Variants in PCBP3 observed in about 807,000 individuals in gnomAD.
PCBP3 encodes poly(rC)-binding protein 3.
PCBP3 carries 25 observed loss-of-function variants against 52.7 expected under a neutral mutation model. The ratio of observed to expected loss-of-function variants is 0.47; its 90% confidence interval spans 0.35 to 0.66. The LOEUF is 0.66. PCBP3 is among the 30% of genes least tolerant of loss of function. The probability of loss-of-function intolerance (pLI) is 0.01; values close to 1 mark genes in which losing one functional copy is unlikely to be tolerated. For synonymous variants in PCBP3, 162 were observed against 183.0 expected (o/e 0.89, Z 0.93); for missense variants, 391 against 490.3 (o/e 0.80, Z 1.91).
At chr21:45,897,246 C>T (rs1187351692) in intron 6 of PCBP3, among the ~76,000 whole-genome samples, 1 of 152,218 alleles carries the variant, frequency 6.6e-6, no homozygotes, top group Admixed American at 6.5e-5. Context: ...AGGGCACCCA[C>T]ACGGATGCGT....
rs1273955764 is a variant in PCBP3 at position 45,917,018 on chromosome 21, C to T, written c.676-570C>T. 1 of 152,354 alleles carries T rather than the reference C, an allele frequency of 6.6e-6. No individual in the cohort carries two copies. The highest frequency in any genetic ancestry group is 1.9e-4 in the East Asian group (1 of 5,186). 9.4% of individuals were successfully genotyped at this position (152,354 alleles called of 1,614,324 possible). ...AGGCCTCAGGAGCCCCACACGATGGCTTGGGAGGGGTGTATTGCTGCCCCC... is the reference window on the plus strand; with the variant it reads ...AGGCCTCAGGAGCCCCACACGATGGTTTGGGAGGGGTGTATTGCTGCCCCC... On this transcript the variant is annotated intron_variant, in intron 12 of 17. Coordinates refer to ENST00000681687, the MANE Select transcript of PCBP3 (RefSeq NM_001384156.1). The surrounding 1 kb of genome is among the most constrained non-coding windows in gnomAD (Gnocchi z 5.3).
chr21:45,785,204 G>A (rs1438617350), intron 4 of PCBP3, among the ~76,000 whole-genome samples: 3 of 151,904 alleles, frequency 2.0e-5, no homozygotes, highest in Non-Finnish European at 4.4e-5. Flanking sequence ...CGTCTGAGAA[G>A]TGAGGAGCCC....
intron 5 of PCBP3, chr21:45,894,056 C>T (rs1176777364): frequency 7.7e-5 from 76 of 984,396 alleles, no homozygotes; most frequent in Middle Eastern, 5.2e-4. Flanking sequence ...GTTGATGCCT[C>T]GTCCACCCTG....
At chr21:45,910,017 C>CCACCCACTGCCCAGATA (rs2096329249) in intron 10 of PCBP3, among the ~76,000 whole-genome samples, 1 of 47,360 alleles carries the variant, frequency 2.1e-5, no homozygotes, top group Non-Finnish European at 4.2e-5. Flanking sequence ...AAATATGGAC[C>CCACCCACTGCCCAGATA]TGGCCCACCC....
chr21:45,803,891 C>G (rs1359081104), intron 4 of PCBP3, among the ~76,000 whole-genome samples: 2 of 152,212 alleles, frequency 1.3e-5, no homozygotes, highest in African/African-American at 2.4e-5. Context: ...GCTGCTGAGT[C>G]CCTTCCCATG....
At chr21:45,755,612 C>CT (rs1322278451) in intron 4 of PCBP3, among the ~76,000 whole-genome samples, 160 bp downstream of exon 4, 1 of 152,132 alleles carries the variant, frequency 6.6e-6, no homozygotes, top group Non-Finnish European at 1.5e-5. Flanking sequence ...AAATTTTCTC[C>CT]TTTCTAGTGG....
At chr21:45,930,903 T>C (rs893085758) in intron 15 of PCBP3, 58 bp downstream of exon 15, 65 of 1,604,270 alleles carry the variant, frequency 4.1e-5, no homozygotes, top group Non-Finnish European at 5.5e-5. Context: ...AGAGCCCCAG[T>C]GGGAGGAGGT....
intron 5 of PCBP3, among the ~76,000 whole-genome samples, chr21:45,864,468 GA>G (rs1182790882): frequency 2.0e-5 from 3 of 152,218 alleles, no homozygotes; most frequent in African/African-American, 7.2e-5. Context: ...AAATGATGCT[GA>G]GTTTTTCAGT....
At chr21:45,692,904 A>G (rs2082566578) in intron 2 of PCBP3, among the ~76,000 whole-genome samples, 1 of 152,196 alleles carries the variant, frequency 6.6e-6, no homozygotes, top group Admixed American at 6.5e-5. Context: ...AAATCCAGAA[A>G]TATTTTAAAT....
intron 1 of PCBP3, among the ~76,000 whole-genome samples, chr21:45,650,478 ACT>A (rs1359256354): frequency 6.6e-6 from 1 of 151,630 alleles, no homozygotes; most frequent in Non-Finnish European, 1.5e-5. Flanking sequence ...AGAGACAGGG[ACT>A]CTCTCTGTCA....
intron 2 of PCBP3, among the ~76,000 whole-genome samples, chr21:45,675,851 C>T (rs1276433175): frequency 6.6e-6 from 1 of 152,188 alleles, no homozygotes; most frequent in Non-Finnish European, 1.5e-5. Context: ...TGGCACCAAA[C>T]TCTACTGACA....
intron 5 of PCBP3, among the ~76,000 whole-genome samples, chr21:45,855,008 G>A (rs1287829693): frequency 2.0e-5 from 3 of 152,218 alleles, no homozygotes; most frequent in African/African-American, 7.2e-5. Flanking sequence ...GGAGCCTCTC[G>A]GAACAGCTCG....
chr21:45,898,861 G>A (rs2009302), intron 6 of PCBP3, among the ~76,000 whole-genome samples: 3 of 93,394 alleles, frequency 3.2e-5, no homozygotes, highest in East Asian at 4.8e-4. Flanking sequence ...CTCTCTCCAC[G>A]GGCCCCTCTG....
chr21:45,940,871 C>T (rs1213761601), intron 17 of PCBP3, among the ~76,000 whole-genome samples: 1 of 122,158 alleles, frequency 8.2e-6, no homozygotes, highest in East Asian at 2.0e-4. Context: ...TCCGTCCTCT[C>T]TCCCCAAGGA....
intron 9 of PCBP3, among the ~76,000 whole-genome samples, chr21:45,901,958 G>T (rs1016299820): frequency 4.6e-5 from 7 of 152,222 alleles, no homozygotes; most frequent in African/African-American, 1.7e-4. Context: ...GGGAGAATGG[G>T]CAGAGGCTCT....
chr21:45,827,468 C>T lies in PCBP3; in HGVS notation c.-125-22493C>T, dbSNP rs2093338452. 6.6e-6 allele frequency among the ~76,000 whole-genome samples: 1 copy of T among 152,106 alleles called. No homozygotes were observed. Among genetic ancestry groups the T allele is most frequent in the Non-Finnish European group, 1.5e-5 (1 of 68,030 alleles). ...AACACCAACACCCAGATGACATGGG[C>T]ACCGAAGTTACCCAACAGGGCTTTT... On this transcript the variant is annotated intron_variant, in intron 4 of 17. Coordinates refer to ENST00000681687, the MANE Select transcript of PCBP3 (RefSeq NM_001384156.1). The surrounding 1 kb of genome is among the most constrained non-coding windows in gnomAD (Gnocchi z 4.3).
Position 45,917,278 on chromosome 21 carries a change from G to T in PCBP3, c.676-310G>T. 2.9e-6 allele frequency: 1 copy of T among 340,212 alleles called. No individual in the cohort carries two copies. The highest frequency in any genetic ancestry group is 6.0e-5 in the South Asian group (1 of 16,648). 21.1% of individuals were successfully genotyped at this position (340,212 alleles called of 1,614,324 possible). ...TAATAATTAGTGGAGACCTCTTACT[G>T]GGCAGATCACTCTTCGATTCTTTTG... On this transcript the variant is annotated intron_variant, in intron 12 of 17. Transcript: ENST00000681687. This position sits in a 1 kb window ranked among gnomAD's most constrained non-coding sequence, Gnocchi z 5.3.
At chr21:45,662,885 C>G (rs1360599215) in intron 1 of PCBP3, among the ~76,000 whole-genome samples, 4 of 152,074 alleles carry the variant, frequency 2.6e-5, no homozygotes, top group Non-Finnish European at 5.9e-5. Context: ...GCACCCGCTA[C>G]TTAGCAGACT....
intron 13 of PCBP3, among the ~76,000 whole-genome samples, chr21:45,922,315 A>G (rs940105361): frequency 3.5e-4 from 54 of 152,316 alleles, no homozygotes; most frequent in African/African-American, 1.2e-3. Flanking sequence ...GCACTTTGAG[A>G]GGCCAAGATG....
Sources: gnomAD v4.1 joint callset for allele counts (sites outside exome capture counted in the v4.1 genomes callset) on GRCh38, gnomAD v4.1.1 for gene constraint, Gnocchi (gnomAD v3.1) non-coding constraint, MANE v1.5 for transcripts, NCBI Gene and HGNC (gene_info 2026-07-23, HGNC 2026-07-21) for gene names.